Variants in PHF8 observed in about 807,000 individuals in gnomAD.
PHF8 encodes the protein PHD finger protein 8, also known as histone lysine demethylase PHF8.
PHF8 carries 9 observed loss-of-function variants against 74.4 expected under a neutral mutation model. That is an observed-to-expected ratio of 0.12 (90% CI 0.07 to 0.21). PHF8 has a LOEUF of 0.21. PHF8 is among the 10% of genes least tolerant of loss of function. The pLI is 1.00. For synonymous variants in PHF8, 311 were observed against 316.6 expected (o/e 0.98, Z 0.19); for missense variants, 478 against 816.6 (o/e 0.59, Z 5.05).
At chrX:53,950,710 G>C (rs1454952525) in intron 19 of PHF8, among the ~76,000 whole-genome samples, 9 of 112,312 alleles carry the variant, frequency 8.0e-5, no homozygotes, top group Non-Finnish European at 1.5e-4. Context: ...ACATCAGTGT[G>C]CACACACAAA....
At chrX:53,987,689 A>T (rs2065588077) in intron 15 of PHF8, 77 bp downstream of exon 15, 1 of 926,538 alleles carries the variant, frequency 1.1e-6, no homozygotes, top group Non-Finnish European at 1.5e-6. Flanking sequence ...AGCCTGGGCA[A>T]CAAGAGCAAA....
At chrX:53,996,186 G>A (rs1281620055) in intron 11 of PHF8, among the ~76,000 whole-genome samples, 1 of 109,423 alleles carries the variant, frequency 9.1e-6, no homozygotes, top group Non-Finnish European at 1.9e-5. Context: ...GTACCATCTC[G>A]GCTTGCTGCA....
rs142232905 is a variant in PHF8 at position 53,957,564 on chromosome X, T to C, written c.2539+5280A>G. The stretch of plus-strand genomic sequence containing the variant: ...AAACAAACAAACAAAAAAACCCTCA[T>C]GGTAGAGACTACTCATTCTCAACCA... On this transcript the variant is annotated intron_variant, in intron 19 of 21. Coordinates refer to ENST00000338154, the MANE Select transcript of PHF8 (RefSeq NM_015107.3). Among the ~76,000 whole-genome samples, 644 of 110,979 alleles carry C rather than the reference T, an allele frequency of 5.8e-3. 10 individuals carry two copies. Among genetic ancestry groups the C allele is most frequent in the African/African-American group, 0.02 (599 of 30,573 alleles).
chrX:53,967,728 A>G (rs1446400255), intron 18 of PHF8, among the ~76,000 whole-genome samples: 3 of 114,144 alleles, frequency 2.6e-5, no homozygotes, highest in African/African-American at 9.5e-5. Flanking sequence ...GTCTGTGTGG[A>G]AAGAAGTAGA....
At chrX:53,999,160 C>T (rs2065791771) in intron 11 of PHF8, among the ~76,000 whole-genome samples, 1 of 111,343 alleles carries the variant, frequency 9.0e-6, no homozygotes, top group Non-Finnish European at 1.9e-5. Flanking sequence ...TGTATGGGTC[C>T]GTTTATATGC....
intron 19 of PHF8, among the ~76,000 whole-genome samples, chrX:53,953,987 A>C (rs782437711): frequency 8.9e-6 from 1 of 111,851 alleles, no homozygotes; most frequent in African/African-American, 3.2e-5. Context: ...TTGAGACAAA[A>C]ATCATTACTA....
At chrX:53,958,625 C>CA (rs782070632) in intron 19 of PHF8, among the ~76,000 whole-genome samples, 132 of 105,206 alleles carry the variant, frequency 1.3e-3, no homozygotes, top group African/African-American at 4.0e-3. Flanking sequence ...ACTAAAAGTA[C>CA]AAAAAATTAG....
chrX:54,018,454 T>C (rs2066108579), intron 4 of PHF8, among the ~76,000 whole-genome samples: 1 of 59,444 alleles, frequency 1.7e-5, no homozygotes, highest in Non-Finnish European at 2.8e-5. Context: ...AGTCCCTGTC[T>C]TTTTTTTTTT....
intron 10 of PHF8, among the ~76,000 whole-genome samples, chrX:54,000,596 G>C (rs1386078217): frequency 8.9e-6 from 1 of 112,763 alleles, no homozygotes; most frequent in Non-Finnish European, 1.9e-5. Flanking sequence ...TATTGGCTAC[G>C]AGGCTGTACT....
chrX:54,011,578 C>T (rs2065981873), intron 7 of PHF8, among the ~76,000 whole-genome samples: 1 of 111,755 alleles, frequency 8.9e-6, no homozygotes, highest in African/African-American at 3.2e-5. Flanking sequence ...CTATTTTAGA[C>T]ACAATGCCAA....
chrX:54,021,177 T>C (rs1183950574), intron 4 of PHF8, among the ~76,000 whole-genome samples: 2 of 111,889 alleles, frequency 1.8e-5, no homozygotes, highest in Non-Finnish European at 3.8e-5. Flanking sequence ...GTAAGCCAAT[T>C]AATGCAGGAA....
rs148780244 is a variant in PHF8 at position 53,985,985 on chromosome X, G to T, written c.1996-36C>A. ...GAGAGTGTATCACCTCAGCTGCCCA[G>T]GATTGGTCTGGTAAGGCCCCAGTAC... On this transcript the variant is annotated intron_variant, in intron 16 of 21. Coordinates refer to ENST00000338154, the MANE Select transcript of PHF8 (RefSeq NM_015107.3). 3.9e-5 allele frequency: 46 copies of T among 1,190,169 alleles called. No homozygotes were observed. In the East Asian group the frequency reaches 1.3e-3, roughly 35 times the overall value.
chrX:54,018,474 A>T (rs1369377771), intron 4 of PHF8, among the ~76,000 whole-genome samples: 77 of 101,919 alleles, frequency 7.6e-4, no homozygotes, highest in African/African-American at 2.7e-3. Flanking sequence ...TTTTTTTTTT[A>T]AAGAAAAGAA....
Position 54,044,001 on chromosome X carries a change from G to A in PHF8, c.-332C>T. On this transcript the variant is annotated 5_prime_UTR_variant, in exon 1 of 22. Coordinates refer to ENST00000338154, the MANE Select transcript of PHF8 (RefSeq NM_015107.3). ...CTACGGCGACGCGCGTCGAATTCTG[G>A]GATAGTCCCCGTACCGCCGGGAACC... The A allele has an allele frequency of 4.0e-6, 3 of 754,927 alleles. No individual in the cohort carries two copies. The highest frequency in any genetic ancestry group is 4.7e-6 in the Non-Finnish European group (3 of 639,284). The allele number at this position is 754,927 out of a possible 1,213,427, so 62.2% of individuals were successfully genotyped here.
At chrX:53,974,664 C>T (rs1464496457) in intron 18 of PHF8, among the ~76,000 whole-genome samples, 4 of 112,022 alleles carry the variant, frequency 3.6e-5, no homozygotes, top group Middle Eastern at 4.6e-3. Flanking sequence ...AACCAAAATG[C>T]CCATCAATGA....
rs190852792 is a variant in PHF8 at position 53,986,578 on chromosome X, T to C, written c.1995+500A>G. Among the ~76,000 whole-genome samples the C allele has an allele frequency of 1.7e-3, 192 of 112,636 alleles. 2 individuals are homozygous for C. Among genetic ancestry groups the C allele is most frequent in the African/African-American group, 6.0e-3 (185 of 31,069 alleles). The stretch of plus-strand genomic sequence containing the variant: ...TCTGTATTAAAGGATGTTTAAGGTA[T>C]TTCAACTAAATTGAAATCTTCCATT... On this transcript the variant is annotated intron_variant, in intron 16 of 21. Transcript: ENST00000338154.
At chrX:53,953,369 G>A (rs1457315802) in intron 19 of PHF8, among the ~76,000 whole-genome samples, 1 of 109,334 alleles carries the variant, frequency 9.1e-6, no homozygotes, top group Non-Finnish European at 1.9e-5. Flanking sequence ...GGCTGGGCAC[G>A]GTGGCTCATG....
chrX:54,009,962 C>T (rs191154260), intron 8 of PHF8, among the ~76,000 whole-genome samples: 27 of 100,655 alleles, frequency 2.7e-4, no homozygotes, highest in East Asian at 2.6e-3. Context: ...AAATAACTAA[C>T]GTCAGGAATG....
rs782738319 is a variant in PHF8, at chrX:53,966,923, G to A, written c.2444-3984C>T. ...GTGAGGAGCGCCTCTGCCCGGTCGC[G>A]ACCCCGTCTGGGAGGTGAGGAGCGT... On this transcript the variant is annotated intron_variant, in intron 18 of 21. Transcript: ENST00000338154. Among the ~76,000 whole-genome samples, 65 of 94,431 alleles carry A rather than the reference G, an allele frequency of 6.9e-4. No homozygotes were observed. In the South Asian group the frequency reaches 0.032, roughly 46 times the overall value. 82.0% of individuals were successfully genotyped at this position (94,431 alleles called of 115,157 possible).
Sources: allele counts gnomAD v4.1 joint callset (sites outside exome capture counted in the v4.1 genomes callset), GRCh38; gene constraint gnomAD v4.1.1; transcripts MANE v1.5; gene names NCBI Gene and HGNC (gene_info 2026-07-23, HGNC 2026-07-21).